The following EXTL3 variants were observed in gnomAD, a reference collection of about 807,000 sequenced individuals.
EXTL3 encodes the protein exostosin like glycosyltransferase 3.
In EXTL3, 27 loss-of-function variants were observed where a neutral mutation model predicts 69.3. The observed-to-expected ratio is 0.39, with a 90% confidence interval of 0.29 to 0.54. EXTL3 has a LOEUF of 0.54. EXTL3 is among the 20% of genes least tolerant of loss of function. EXTL3 has a pLI of 0.69. For missense variants in EXTL3, 1,003 were observed against 1,231.8 expected, an observed-to-expected ratio of 0.81 and a Z score of 2.78; for synonymous variants, 511 against 499.4, an observed-to-expected ratio of 1.02 and a Z score of -0.31.
Position 28,750,920 on chromosome 8 carries a change from A to G in EXTL3, c.*54A>G. The G allele has an allele frequency of 3.9e-6, 6 of 1,520,216 alleles. No individual in the cohort carries two copies. The highest frequency in any genetic ancestry group is 5.5e-6 in the Non-Finnish European group (6 of 1,099,038). 94.2% of individuals were successfully genotyped at this position (1,520,216 alleles called of 1,614,324 possible). On this transcript the variant is annotated 3_prime_UTR_variant, in exon 7 of 7. Coordinates refer to ENST00000220562, the MANE Select transcript of EXTL3 (RefSeq NM_001440.4). The surrounding 1 kb of genome is among the most constrained non-coding windows in gnomAD (Gnocchi z 5.2). ...GAGCAGAGGGAGGAAGATGGCTCCCAAGGTTCCTAGGCATTGCAGGACCTT... is the reference window on the plus strand; with the variant it reads ...GAGCAGAGGGAGGAAGATGGCTCCCGAGGTTCCTAGGCATTGCAGGACCTT...
At chr8:28,612,787 T>C (rs370429453) in intron 2 of EXTL3, among the ~76,000 whole-genome samples, 4 of 152,152 alleles carry the variant, frequency 2.6e-5, no homozygotes, top group African/African-American at 9.7e-5. Context: ...GGCACAATCA[T>C]GGCTCACTGC....
intron 1 of EXTL3, among the ~76,000 whole-genome samples, chr8:28,669,960 G>T (rs910279401): frequency 6.6e-6 from 1 of 152,132 alleles, no homozygotes; most frequent in African/African-American, 2.4e-5. Context: ...TGTGATCTGA[G>T]CACTTTGGGA....
At chr8:28,611,776 T>C (rs1806274817) in intron 2 of EXTL3, among the ~76,000 whole-genome samples, 1 of 152,172 alleles carries the variant, frequency 6.6e-6, no homozygotes, top group African/African-American at 2.4e-5. Context: ...AAATAGTTCT[T>C]ATTTTCTAAA....
chr8:28,704,797 A>G (rs1422558244), intron 1 of EXTL3, among the ~76,000 whole-genome samples: 1 of 152,022 alleles, frequency 6.6e-6, no homozygotes, highest in African/African-American at 2.4e-5. Context: ...CAACCTCCCA[A>G]GTAGCTGGCA....
intron 2 of EXTL3, among the ~76,000 whole-genome samples, chr8:28,715,095 C>T (rs1801112027): frequency 6.6e-6 from 1 of 152,200 alleles, no homozygotes; most frequent in African/African-American, 2.4e-5. Context: ...CTCTTCAACC[C>T]TTTCAACTCT....
intron 1 of EXTL3, among the ~76,000 whole-genome samples, chr8:28,680,425 T>G (rs954875711): frequency 6.6e-6 from 1 of 152,100 alleles, no homozygotes; most frequent in African/African-American, 2.4e-5. Context: ...ATTTATTTCT[T>G]CTTTTCTTTA....
intron 1 of EXTL3, among the ~76,000 whole-genome samples, chr8:28,688,985 A>T (rs1481800533): frequency 6.6e-6 from 1 of 152,226 alleles, no homozygotes; most frequent in Non-Finnish European, 1.5e-5. Flanking sequence ...CCCATTCTGC[A>T]TCCATTGGGA....
intron 1 of EXTL3, among the ~76,000 whole-genome samples, chr8:28,685,603 C>T (rs1330004094): frequency 6.6e-6 from 1 of 152,174 alleles, no homozygotes; most frequent in East Asian, 1.9e-4. Context: ...GCTGGGATTA[C>T]AGGCACAAAC....
At chr8:28,664,041 C>G (rs1361638173) in intron 1 of EXTL3, among the ~76,000 whole-genome samples, 1 of 152,242 alleles carries the variant, frequency 6.6e-6, no homozygotes, top group Non-Finnish European at 1.5e-5. Flanking sequence ...CCAGGTGACA[C>G]CTTCTTCACC....
rs557308758 is a variant in EXTL3, at chr8:28,733,911, G to A, written c.2276+2561G>A. ...TGGCTCACTGCAAGCTCCACCTCCCGAGTTCACGCCATTCTCCTGCCTCAG... is the reference window on the plus strand; with the variant it reads ...TGGCTCACTGCAAGCTCCACCTCCCAAGTTCACGCCATTCTCCTGCCTCAG... On this transcript the variant is annotated intron_variant, in intron 4 of 6. Transcript: ENST00000220562. Among the ~76,000 whole-genome samples, 9 of 149,002 alleles carry A rather than the reference G, an allele frequency of 6.0e-5. No individual in the cohort carries two copies. The South Asian group carries it at 1.8e-3, about 30-fold the overall frequency.
chr8:28,639,823 A>G (rs1030689087), intron 1 of EXTL3, among the ~76,000 whole-genome samples: 13 of 152,016 alleles, frequency 8.6e-5, no homozygotes, highest in African/African-American at 3.1e-4. Flanking sequence ...TAAATCACCC[A>G]TGGGCGCAGT....
At chr8:28,711,363 G>A (rs1801027303) in intron 1 of EXTL3, among the ~76,000 whole-genome samples, 1 of 151,780 alleles carries the variant, frequency 6.6e-6, no homozygotes, top group South Asian at 2.1e-4. Flanking sequence ...CTGGGTTCTT[G>A]AAGGAGGAGC....
At chr8:28,620,250 A>T (rs928674701), upstream of EXTL3, among the ~76,000 whole-genome samples, 7 of 152,080 alleles carry the variant, frequency 4.6e-5, no homozygotes, top group African/African-American at 1.7e-4. Flanking sequence ...CATTTCTCTG[A>T]GATCTGCTAG....
intron 1 of EXTL3, among the ~76,000 whole-genome samples, chr8:28,657,726 C>A (rs980282847): frequency 1.3e-5 from 2 of 151,958 alleles, no homozygotes; most frequent in African/African-American, 4.8e-5. Context: ...AGCATAAAGA[C>A]CCGGGGGGAA....
At chr8:28,740,988 G>A (rs188923819) in intron 5 of EXTL3, 11 of 151,336 alleles carry the variant, frequency 7.3e-5, no homozygotes, top group South Asian at 2.1e-4. Flanking sequence ...GAGTCTTCTC[G>A]CTTCTTTCTC....
At chr8:28,633,761 T>C (rs953470291) in intron 1 of EXTL3, among the ~76,000 whole-genome samples, 3 of 152,186 alleles carry the variant, frequency 2.0e-5, no homozygotes, top group African/African-American at 7.2e-5. Context: ...TTACATGCCA[T>C]CTAAAGCCAT....
intron 1 of EXTL3, among the ~76,000 whole-genome samples, chr8:28,653,026 A>G (rs1390555548): frequency 6.6e-6 from 1 of 152,236 alleles, no homozygotes; most frequent in Admixed American, 6.5e-5. Context: ...ACATATCATT[A>G]GCACCCAGAA....
intron 3 of EXTL3, among the ~76,000 whole-genome samples, chr8:28,730,474 G>A (rs1585286284): frequency 6.6e-6 from 1 of 151,876 alleles, no homozygotes. Context: ...CACCCACACT[G>A]TAGGTAAACT....
chr8:28,748,810 A>G (rs1246084429), intron 6 of EXTL3, among the ~76,000 whole-genome samples: 2 of 152,152 alleles, frequency 1.3e-5, no homozygotes, highest in Non-Finnish European at 2.9e-5. Context: ...CTCATTCTGT[A>G]TGAAATCTAG....
Sources: gnomAD v4.1 joint callset for allele counts (sites outside exome capture counted in the v4.1 genomes callset) on GRCh38, gnomAD v4.1.1 for gene constraint, Gnocchi (gnomAD v3.1) non-coding constraint, MANE v1.5 for transcripts, NCBI Gene and HGNC (gene_info 2026-07-23, HGNC 2026-07-21) for gene names.